The following KIAA0825 variants were observed in gnomAD, a reference collection of about 807,000 sequenced individuals.
The protein encoded by KIAA0825 is uncharacterized protein KIAA0825.
A neutral mutation model predicts 147.6 loss-of-function variants in KIAA0825; 119 were observed. That is an observed-to-expected ratio of 0.81 (90% CI 0.69 to 0.94). The LOEUF (loss-of-function observed/expected upper bound fraction) is 0.94, where lower values mean the gene tolerates loss of function less well. KIAA0825 is among the 40% of genes least tolerant of loss of function. The pLI is 0.00. For missense variants in KIAA0825, 1,381 were observed against 1,472.7 expected (o/e 0.94, Z 1.02); for synonymous variants, 470 against 518.1 (o/e 0.91, Z 1.26).
chr5:94,290,680 C>A (rs1489933494), intron 20 of KIAA0825, among the ~76,000 whole-genome samples: 2 of 152,138 alleles, frequency 1.3e-5, no homozygotes, highest in Non-Finnish European at 2.9e-5. Flanking sequence ...AATGGAATTT[C>A]TGGTTTTAGA....
At chr5:94,234,643 A>G (rs975859942) in intron 20 of KIAA0825, among the ~76,000 whole-genome samples, 3 of 152,158 alleles carry the variant, frequency 2.0e-5, no homozygotes, top group African/African-American at 7.2e-5. Flanking sequence ...AAACAGGCAC[A>G]TCACATGAAA....
intron 3 of KIAA0825, among the ~76,000 whole-genome samples, chr5:94,527,361 G>A (rs559799264): frequency 6.6e-6 from 1 of 151,992 alleles, no homozygotes; most frequent in South Asian, 2.1e-4. Context: ...TTATTATAAA[G>A]TTCTTATAAG....
chr5:94,210,863 G>A (rs967809691), intron 20 of KIAA0825, among the ~76,000 whole-genome samples: 19 of 152,064 alleles, frequency 1.2e-4, no homozygotes, highest in African/African-American at 4.3e-4. Flanking sequence ...ATAATGACAC[G>A]AGGCTTTATC....
chr5:94,204,859 C>G (rs993869660), intron 20 of KIAA0825, among the ~76,000 whole-genome samples: 3 of 152,022 alleles, frequency 2.0e-5, no homozygotes, highest in Non-Finnish European at 2.9e-5. Context: ...ACCTGTAATA[C>G]TAAGACAAAG....
intron 20 of KIAA0825, among the ~76,000 whole-genome samples, chr5:94,211,937 A>C (rs1772748154): frequency 6.6e-6 from 1 of 152,216 alleles, no homozygotes; most frequent in Non-Finnish European, 1.5e-5. Context: ...CCCATACCTG[A>C]ATAAACACTG....
chr5:94,618,098 T>A (rs932496814), intron 1 of KIAA0825: 1 of 152,318 alleles, frequency 6.6e-6, no homozygotes, highest in Non-Finnish European at 1.5e-5. Context: ...GCCAACCTCC[T>A]GCCTTCCAGG....
intron 20 of KIAA0825, among the ~76,000 whole-genome samples, chr5:94,186,651 T>C (rs903797974): frequency 6.6e-6 from 1 of 152,234 alleles, no homozygotes; most frequent in Non-Finnish European, 1.5e-5. Flanking sequence ...TCTCTGCCTT[T>C]AGGAAGCACA....
chr5:94,263,169 G>GA lies in KIAA0825; in HGVS notation c.3711-109046dup, dbSNP rs1299873580. On this transcript the variant is annotated intron_variant, in intron 20 of 20. Coordinates refer to ENST00000682413, the MANE Select transcript of KIAA0825 (RefSeq NM_001145678.3). Reference sequence around the variant, plus strand: ...ATATAAAAACCAAGACATCCAACCAGAAAAAAAATAGCATAGGAAGACCTA... The same window carrying GA: ...ATATAAAAACCAAGACATCCAACCAGAAAAAAAAATAGCATAGGAAGACCTA... 2.6e-5 allele frequency among the ~76,000 whole-genome samples: 4 copies of GA among 151,770 alleles called. No homozygotes were observed. In the South Asian group the frequency reaches 6.3e-4, roughly 24 times the overall value.
intron 3 of KIAA0825, among the ~76,000 whole-genome samples, chr5:94,535,277 A>AGGCGGGTGGATCACCC (rs1207723982): frequency 6.6e-6 from 1 of 152,038 alleles, no homozygotes; most frequent in Non-Finnish European, 1.5e-5. Context: ...TGGGAGGCTG[A>AGGCGGGTGGATCACCC]GGCGGGTGGA....
intron 2 of KIAA0825, among the ~76,000 whole-genome samples, chr5:94,573,594 C>T (rs1402012269): frequency 2.0e-5 from 3 of 152,090 alleles, no homozygotes; most frequent in African/African-American, 7.2e-5. Flanking sequence ...TTTACAGTGG[C>T]TGCTGTTAGA....
chr5:94,218,997 T>C (rs1163901190), intron 20 of KIAA0825, among the ~76,000 whole-genome samples: 2 of 152,172 alleles, frequency 1.3e-5, no homozygotes, highest in Non-Finnish European at 1.5e-5. Context: ...GCTTTATGTA[T>C]ATTAGATACT....
Position 94,528,147 on chromosome 5 carries a change from G to A in KIAA0825, c.132-4049C>T. On this transcript the variant is annotated intron_variant, in intron 3 of 20. Transcript: ENST00000682413. Reference sequence around the variant, plus strand: ...CAAAAAGTTGTAATTACACTTTCAGGAAAAAACACCCTTGACACCAAATCT... The same window carrying A: ...CAAAAAGTTGTAATTACACTTTCAGAAAAAAACACCCTTGACACCAAATCT... 1.3e-5 allele frequency among the ~76,000 whole-genome samples: 2 copies of A among 152,064 alleles called. 1 individual carries two copies. The highest frequency in any genetic ancestry group is 3.8e-4 in the East Asian group (2 of 5,200).
chr5:94,391,706 G>T lies in KIAA0825; in HGVS notation c.3297-12C>A, dbSNP rs1166705054. On this transcript the variant is annotated splice_polypyrimidine_tract_variant and intron_variant, in intron 17 of 20. Transcript: ENST00000682413. The stretch of plus-strand genomic sequence containing the variant: ...TTGTCATAAATGCACTAAATACAAA[G>T]AAAGCATATACATATCAGTAGTGAA... The T allele has an allele frequency of 1.2e-5, 19 of 1,520,832 alleles. No homozygotes were observed. Among genetic ancestry groups the T allele is most frequent in the Non-Finnish European group, 1.7e-5 (19 of 1,131,408 alleles). The allele number at this position is 1,520,832 out of a possible 1,614,324, so 94.2% of individuals were successfully genotyped here. A position where few individuals can be genotyped will look rare whatever the true frequency, so the allele number is the denominator to read the frequency against.
At chr5:94,210,440 G>A (rs1399533627) in intron 20 of KIAA0825, among the ~76,000 whole-genome samples, 1 of 152,182 alleles carries the variant, frequency 6.6e-6, no homozygotes, top group Non-Finnish European at 1.5e-5. Flanking sequence ...TGGGAAGGAA[G>A]CAAATGAGGA....
chr5:94,208,903 C>T (rs1433444592), intron 20 of KIAA0825, among the ~76,000 whole-genome samples: 1 of 152,210 alleles, frequency 6.6e-6, no homozygotes, highest in African/African-American at 2.4e-5. Flanking sequence ...TTTTTCTGTA[C>T]ATTCAGAATC....
At chr5:94,222,050 G>T (rs1392247241) in intron 20 of KIAA0825, among the ~76,000 whole-genome samples, 1 of 151,912 alleles carries the variant, frequency 6.6e-6, no homozygotes, top group African/African-American at 2.4e-5. Flanking sequence ...TATCTCTCAG[G>T]GCACCCCTTG....
intron 20 of KIAA0825, among the ~76,000 whole-genome samples, chr5:94,300,106 A>T (rs1454265745): frequency 1.3e-5 from 2 of 152,090 alleles, no homozygotes; most frequent in Non-Finnish European, 2.9e-5. Flanking sequence ...CACCTAATAC[A>T]ATATTGTATC....
chr5:94,563,195 C>CAAA (rs58497890), intron 2 of KIAA0825, among the ~76,000 whole-genome samples: 406 of 140,252 alleles, frequency 2.9e-3, no homozygotes, highest in African/African-American at 8.0e-3. Context: ...CCAAAAAAAA[C>CAAA]AAAAAAAAAA....
intron 14 of KIAA0825, among the ~76,000 whole-genome samples, chr5:94,437,705 T>C (rs1166041929): frequency 6.6e-6 from 1 of 152,206 alleles, no homozygotes; most frequent in Non-Finnish European, 1.5e-5. Flanking sequence ...AAGGTTTATC[T>C]CAACTGATTT....
Sources: allele counts gnomAD v4.1 joint callset (sites outside exome capture counted in the v4.1 genomes callset), GRCh38; gene constraint gnomAD v4.1.1; transcripts MANE v1.5; gene names NCBI Gene and HGNC (gene_info 2026-07-23, HGNC 2026-07-21).